PCCA: variants seen among roughly 807,000 people sequenced by gnomAD.
PCCA encodes propionyl-CoA carboxylase subunit alpha.
Under a neutral mutation model 101.3 loss-of-function variants are expected in PCCA, and 74 were observed. The observed-to-expected ratio is 0.73, with a 90% CI of 0.61 to 0.89. The LOEUF is 0.89. Among genes scored for constraint, PCCA ranks in the 40% least tolerant of loss-of-function variants. The pLI is 0.00. For missense variants in PCCA, 891 were observed against 907.0 expected (o/e 0.98, Z 0.23); for synonymous variants, 294 against 313.6 (o/e 0.94, Z 0.66).
chr13:100,520,835 GTCT>G (rs1314308296), intron 22 of PCCA, among the ~76,000 whole-genome samples: 1 of 152,060 alleles, frequency 6.6e-6, no homozygotes, highest in Non-Finnish European at 1.5e-5. Context: ...TTATAGGAGA[GTCT>G]TCTCCAAGCT....
intron 21 of PCCA, among the ~76,000 whole-genome samples, chr13:100,451,572 G>T (rs1430339377): frequency 6.6e-6 from 1 of 151,876 alleles, no homozygotes; most frequent in South Asian, 2.1e-4. Flanking sequence ...GTTTCTAATC[G>T]GTTTCTCAAC....
At chr13:100,467,076 A>G (rs2082578715) in intron 21 of PCCA, among the ~76,000 whole-genome samples, 1 of 152,084 alleles carries the variant, frequency 6.6e-6, no homozygotes, top group Non-Finnish European at 1.5e-5. Flanking sequence ...TAGAATCCCC[A>G]TGTTTCAGAT....
intron 18 of PCCA, among the ~76,000 whole-genome samples, chr13:100,345,348 A>G (rs1316221116): frequency 2.0e-5 from 3 of 152,256 alleles, no homozygotes; most frequent in African/African-American, 4.8e-5. Flanking sequence ...AAACAGCCTT[A>G]TTGCTGATAT....
chr13:100,189,705 AAT>A (rs1354957047), intron 6 of PCCA, among the ~76,000 whole-genome samples: 1 of 152,188 alleles, frequency 6.6e-6, no homozygotes, highest in Non-Finnish European at 1.5e-5. Flanking sequence ...TATTTAAAAA[AAT>A]ATATGTTGCC....
At chr13:100,263,807 A>ATCTGTATATCATATATACG (rs1566821624) in intron 10 of PCCA, among the ~76,000 whole-genome samples, 7 of 150,124 alleles carry the variant, frequency 4.7e-5, no homozygotes, top group East Asian at 3.9e-4. Flanking sequence ...TCATATATAC[A>ATCTGTATATCATATATACG]GTATCTGTAT....
At chr13:100,210,786 T>G (rs1366572936) in intron 7 of PCCA, among the ~76,000 whole-genome samples, 2 of 152,232 alleles carry the variant, frequency 1.3e-5, no homozygotes, top group Non-Finnish European at 2.9e-5. Flanking sequence ...GTTGGGTTGT[T>G]CTTCATTGTG....
In PCCA at chr13:100,150,560, T is replaced by G. The variant is rs1274923853; in HGVS notation, c.301-4419T>G. 3 of 1,266,600 alleles carry G rather than the reference T, an allele frequency of 2.4e-6. No homozygotes were observed. The East Asian group carries it at 6.9e-5, about 29-fold the overall frequency. 78.5% of individuals were successfully genotyped at this position (1,266,600 alleles called of 1,614,324 possible). A position where few individuals can be genotyped will look rare whatever the true frequency, so the allele number is the denominator to read the frequency against. On this transcript the variant is annotated intron_variant, in intron 4 of 23. Transcript: ENST00000376285. ...AGAACCACCAATAGTGTGGTGGAACTTACGGCCGTTTCCAAGGGCCAGGGC... is the reference window on the plus strand; with the variant it reads ...AGAACCACCAATAGTGTGGTGGAACGTACGGCCGTTTCCAAGGGCCAGGGC...
intron 6 of PCCA, among the ~76,000 whole-genome samples, chr13:100,164,044 A>G (rs144528871): frequency 1.9e-3 from 290 of 152,268 alleles, no homozygotes; most frequent in Non-Finnish European, 3.3e-3. Context: ...TATAGTTGTC[A>G]TATGTATTTC....
intron 19 of PCCA, among the ~76,000 whole-genome samples, chr13:100,405,769 CTT>C (rs34906541): frequency 2.6e-5 from 3 of 116,382 alleles, no homozygotes; most frequent in Admixed American, 9.8e-5. Context: ...AAGTGACATT[CTT>C]TTTTTTTTTT....
intron 12 of PCCA, among the ~76,000 whole-genome samples, chr13:100,278,738 A>G (rs2063853531): frequency 6.6e-6 from 1 of 152,320 alleles, no homozygotes; most frequent in South Asian, 2.1e-4. Context: ...TGGGCCTACC[A>G]AAGTGCTGGT....
chr13:100,118,324 T>A (rs1259560400), intron 4 of PCCA, among the ~76,000 whole-genome samples: 2 of 152,114 alleles, frequency 1.3e-5, no homozygotes, highest in Admixed American at 6.5e-5. Flanking sequence ...GTTGTCCTTT[T>A]TAATATTTTT....
chr13:100,459,841 T>G (rs533508136), intron 21 of PCCA, among the ~76,000 whole-genome samples: 17 of 152,238 alleles, frequency 1.1e-4, no homozygotes, highest in Non-Finnish European at 2.5e-4. Flanking sequence ...ATTCAGTTCC[T>G]GGTGAGGGCC....
intron 19 of PCCA, 43 bp downstream of exon 19, chr13:100,368,617 C>A (rs2075373263): frequency 8.2e-7 from 1 of 1,215,636 alleles, no homozygotes; most frequent in Non-Finnish European, 1.2e-6. Flanking sequence ...TTGATGTTAT[C>A]TATGAATATT....
At chr13:100,174,409 G>A (rs1024235148) in intron 6 of PCCA, among the ~76,000 whole-genome samples, 2 of 148,832 alleles carry the variant, frequency 1.3e-5, no homozygotes, top group Middle Eastern at 3.4e-3. Context: ...TATTTGTTGT[G>A]GTACTCTTTT....
intron 4 of PCCA, among the ~76,000 whole-genome samples, chr13:100,118,094 C>A (rs187611309): frequency 2.2e-4 from 31 of 138,564 alleles, no homozygotes; most frequent in African/African-American, 8.2e-4. Context: ...CCAGCCTGGG[C>A]GACAGAGCAA....
intron 16 of PCCA, among the ~76,000 whole-genome samples, chr13:100,315,559 T>TAG (rs2152706393): frequency 6.6e-6 from 1 of 152,330 alleles, no homozygotes; most frequent in African/African-American, 2.4e-5. Flanking sequence ...TTTGTTAAGA[T>TAG]AGAGAAACTT....
chr13:100,146,203 AG>A lies in PCCA; in HGVS notation c.301-8775del, dbSNP rs1208169282. Among the ~76,000 whole-genome samples, 3 of 151,508 alleles carry A rather than the reference AG, an allele frequency of 2.0e-5. No homozygotes were observed. The South Asian group carries it at 6.3e-4, about 32-fold the overall frequency. On this transcript the variant is annotated intron_variant, in intron 4 of 23. Transcript: ENST00000376285. ...CGATCTGCCTGCCTCCACCTCCCAA[AG>A]TGCTGGGATTACAGGCGTGAGCCAC...
At chr13:100,495,245 G>A (rs2085193990) in intron 21 of PCCA, among the ~76,000 whole-genome samples, 1 of 152,110 alleles carries the variant, frequency 6.6e-6, no homozygotes, top group Non-Finnish European at 1.5e-5. Context: ...CACATACCTG[G>A]TTCCACAATT....
At chr13:100,522,115 G>C (rs2087348741) in intron 22 of PCCA, among the ~76,000 whole-genome samples, 1 of 152,240 alleles carries the variant, frequency 6.6e-6, no homozygotes, top group African/African-American at 2.4e-5. Flanking sequence ...TCATTCGGAA[G>C]TGCTTCATGC....
Sources: allele counts gnomAD v4.1 joint callset (sites outside exome capture counted in the v4.1 genomes callset), GRCh38; gene constraint gnomAD v4.1.1; transcripts MANE v1.5; gene names NCBI Gene and HGNC (gene_info 2026-07-23, HGNC 2026-07-21).